The following ZNF716 variants were observed in gnomAD, a reference collection of about 807,000 sequenced individuals.
The protein encoded by ZNF716 is zinc finger protein 716.
A neutral mutation model predicts 13.4 loss-of-function variants in ZNF716; 9 were observed. The observed-to-expected ratio is 0.67, with a 90% confidence interval of 0.41 to 1.18. ZNF716 has a LOEUF of 1.18. ZNF716 is among the 50% of genes most tolerant of loss of function. ZNF716 has a pLI of 0.01. For missense variants in ZNF716, 581 were observed against 576.6 expected (o/e 1.01, Z -0.08); for synonymous variants, 186 against 195.2 (o/e 0.95, Z 0.39).
At position 57,469,176 on chromosome 7, in the gene ZNF716, A is replaced by G; in HGVS notation, c.715A>G (p.Lys239Glu). ...ACATAAAAGAATTCATACTGGAGAG[A>G]AACCCTACAGATGTGAGGAATGTGG... ...TRHKRIHTGE[K>E]PYRCEECGKA... is the part of the protein sequence containing the mutation. The change falls in exon 4 of 4, where the codon AAA (lysine) becomes GAA (glutamate). Residue 239 changes from lysine to glutamate, a missense_variant. Physicochemically the swap from Lys to Glu is moderately conservative, Grantham distance 56. Transcript: ENST00000420713. 5 of 1,612,698 alleles carry G rather than the reference A, an allele frequency of 3.1e-6. No individual in the cohort carries two copies. The highest frequency in any genetic ancestry group is 1.7e-5 in the Admixed American group (1 of 59,742).
chr7:57,462,976 A>G, intron 2 of ZNF716, 97 bp from the exon 3 acceptor site: 1 of 1,476,528 alleles, frequency 6.8e-7, no homozygotes, highest in African/African-American at 1.4e-5. Flanking sequence ...AATTTTCTAG[A>G]ATTTTCTATC....
rs1789918220 is a variant in ZNF716, at chr7:57,470,860, A to T, written c.*911A>T. 1 of 152,172 alleles carries T rather than the reference A, an allele frequency of 6.6e-6. No homozygotes were observed. The highest frequency in any genetic ancestry group is 6.5e-5 in the Admixed American group (1 of 15,270). The allele number at this position is 152,172 out of a possible 1,614,324, so 9.4% of individuals were successfully genotyped here. A position where few individuals can be genotyped will look rare whatever the true frequency, so the allele number is the denominator to read the frequency against. The stretch of plus-strand genomic sequence containing the variant: ...CCTGACATTTTTCTAAAATAGAGAA[A>T]TCATACTGGTGAAAAACTCTAGAAA... On this transcript the variant is annotated 3_prime_UTR_variant, in exon 4 of 4. Transcript: ENST00000420713.
chr7:57,467,156 C>T (rs1403514158), intron 3 of ZNF716, among the ~76,000 whole-genome samples: 2 of 151,894 alleles, frequency 1.3e-5, no homozygotes, highest in Admixed American at 1.3e-4. Flanking sequence ...AAAATTTATT[C>T]TCATTATATC....
intron 3 of ZNF716, 103 bp downstream of exon 3, chr7:57,463,271 A>G: frequency 6.8e-7 from 1 of 1,472,796 alleles, no homozygotes; most frequent in Non-Finnish European, 9.2e-7. Context: ...CTTCGATGGA[A>G]GAGTTTCTGA....
In ZNF716 at chr7:57,462,481, A is replaced by T. The variant is rs782046776; in HGVS notation, c.61A>T (p.Ile21Leu). The change falls in exon 2 of 4, where the codon ATA (isoleucine) becomes TTA (leucine). Residue 21 changes from isoleucine to leucine, a missense_variant. Coordinates refer to ENST00000420713, the MANE Select transcript of ZNF716 (RefSeq NM_001159279.1). ...TTAGGGACTGTTGACATTCAGAGAC[A>T]TAGCTATAGAATTTTCTCTGGCGGA... ...REMGLLTFRD[I>L]AIEFSLAEWQ... is the part of the protein sequence containing the mutation. 4 of 1,613,910 alleles carry T rather than the reference A, an allele frequency of 2.5e-6. No individual in the cohort carries two copies. The highest frequency in any genetic ancestry group is 3.4e-6 in the Non-Finnish European group (4 of 1,179,954).
At position 57,469,961 on chromosome 7, in the gene ZNF716, C is replaced by G; in HGVS notation, c.*12C>G. On this transcript the variant is annotated 3_prime_UTR_variant, in exon 4 of 4. Coordinates refer to ENST00000420713, the MANE Select transcript of ZNF716 (RefSeq NM_001159279.1). ...ACAAATATGAATAATGTGGTAAAGT[C>G]CAGCCCTCAGGCCTTATAATACATA... The G allele has an allele frequency of 1.3e-6, 2 of 1,532,218 alleles. No homozygotes were observed. The highest frequency in any genetic ancestry group is 1.8e-6 in the Non-Finnish European group (2 of 1,140,330). 94.9% of individuals were successfully genotyped at this position (1,532,218 alleles called of 1,614,324 possible). A position where few individuals can be genotyped will look rare whatever the true frequency, so the allele number is the denominator to read the frequency against.
Position 57,450,177 on chromosome 7 carries a change from C to G in ZNF716, c.-112C>G, listed in dbSNP as rs574417698. 2 of 1,514,144 alleles carry G rather than the reference C, an allele frequency of 1.3e-6. No individual in the cohort carries two copies. The highest frequency in any genetic ancestry group is 1.8e-6 in the Non-Finnish European group (2 of 1,106,882). 93.8% of individuals were successfully genotyped at this position (1,514,144 alleles called of 1,614,324 possible). On this transcript the variant is annotated 5_prime_UTR_variant, in exon 1 of 4. Transcript: ENST00000420713. Reference sequence around the variant, plus strand: ...GGACGCTTCCGTAAGGTTACGGGTTCTTTTTGCTTCTCTGCGCCCAGAGCT... The same window carrying G: ...GGACGCTTCCGTAAGGTTACGGGTTGTTTTTGCTTCTCTGCGCCCAGAGCT...
At chr7:57,461,883 G>A (rs1201477247) in intron 1 of ZNF716, among the ~76,000 whole-genome samples, 1 of 152,104 alleles carries the variant, frequency 6.6e-6, no homozygotes, top group African/African-American at 2.4e-5. Flanking sequence ...TGTCCGACTG[G>A]GTGCAGTGGC....
At chr7:57,452,770 A>G (rs540370611) in intron 1 of ZNF716, among the ~76,000 whole-genome samples, 8 of 152,180 alleles carry the variant, frequency 5.3e-5, no homozygotes, top group Non-Finnish European at 1.0e-4. Flanking sequence ...GGGAAACCCT[A>G]CAGGGTAATG....
intron 3 of ZNF716, 117 bp downstream of exon 3, chr7:57,463,285 G>T: frequency 4.3e-6 from 6 of 1,401,888 alleles, no homozygotes; most frequent in Non-Finnish European, 5.8e-6. Flanking sequence ...TTTCTGAGAA[G>T]CCAGAGTCAT....
In ZNF716 at chr7:57,472,203, T is replaced by C. The variant is rs1789955122; in HGVS notation, c.*2254T>C. On this transcript the variant is annotated 3_prime_UTR_variant, in exon 4 of 4. Transcript: ENST00000420713. ...TTGACTTATAACATTGTTTTAGTGA[T>C]GTATAAGGCGAGCGTTCAGAGTAAT... 1 of 152,200 alleles carries C rather than the reference T, an allele frequency of 6.6e-6. No individual in the cohort carries two copies. The highest frequency in any genetic ancestry group is 2.1e-4 in the South Asian group (1 of 4,836). The allele number at this position is 152,200 out of a possible 1,614,324, so 9.4% of individuals were successfully genotyped here.
chr7:57,451,102 A>G (rs1439905009), intron 1 of ZNF716, among the ~76,000 whole-genome samples: 3 of 151,432 alleles, frequency 2.0e-5, no homozygotes, highest in African/African-American at 7.3e-5. Flanking sequence ...GCTCAATGCA[A>G]CCGCCCTCCC....
chr7:57,452,816 G>T (rs1789521301), intron 1 of ZNF716, among the ~76,000 whole-genome samples: 1 of 152,238 alleles, frequency 6.6e-6, no homozygotes. Flanking sequence ...TCCTGGTTCT[G>T]GGTCTTAGTA....
chr7:57,453,016 T>C (rs1332678975), intron 1 of ZNF716, among the ~76,000 whole-genome samples: 2 of 152,120 alleles, frequency 1.3e-5, no homozygotes, highest in Non-Finnish European at 2.9e-5. Flanking sequence ...TGCTAATCCC[T>C]TGGGACACTA....
chr7:57,470,111 A>G lies in ZNF716; in HGVS notation c.*162A>G, dbSNP rs1789901900. On this transcript the variant is annotated 3_prime_UTR_variant, in exon 4 of 4. Transcript: ENST00000420713. ...GACAAAAGTCTTATAAATGTAAAAA[A>G]AAAAGTAACAGCCTTTAACCACCCC... The G allele has an allele frequency of 1.4e-6, 1 of 740,206 alleles. No homozygotes were observed. The allele number at this position is 740,206 out of a possible 1,614,324, so 45.9% of individuals were successfully genotyped here.
intron 1 of ZNF716, 83 bp from the exon 2 acceptor site, chr7:57,462,377 A>G: frequency 6.7e-7 from 1 of 1,501,390 alleles, no homozygotes; most frequent in Non-Finnish European, 9.1e-7. Context: ...CATGAGTCAA[A>G]TAAAAATCTC....
At chr7:57,462,735 C>T in intron 2 of ZNF716, 149 bp downstream of exon 2, 1 of 1,034,680 alleles carries the variant, frequency 9.7e-7, no homozygotes, top group Non-Finnish European at 1.4e-6. Flanking sequence ...GCAAATTCTT[C>T]AAGATGTTTT....
In ZNF716 at chr7:57,471,863, T is replaced by C. The variant is rs2116430759; in HGVS notation, c.*1914T>C. 6.6e-6 allele frequency: 1 copy of C among 152,254 alleles called. No homozygotes were observed. Among genetic ancestry groups the C allele is most frequent in the African/African-American group, 2.4e-5 (1 of 41,562 alleles). 9.4% of individuals were successfully genotyped at this position (152,254 alleles called of 1,614,324 possible). ...CAGAGTGTTGAGTGTAAAAAAGATA[T>C]AAATCTAACAATATAAATTTAAAGA... On this transcript the variant is annotated 3_prime_UTR_variant, in exon 4 of 4. Coordinates refer to ENST00000420713, the MANE Select transcript of ZNF716 (RefSeq NM_001159279.1).
At position 57,468,853 on chromosome 7, in the gene ZNF716, G is replaced by A. The variant is rs781942375; in HGVS notation, c.392G>A (p.Ser131Asn). ...EDLQVKKCCK[S>N]VGECEVHKGG... ...TTACAAGTAAAAAAATGCTGTAAAA[G>A]TGTAGGTGAGTGTGAGGTGCACAAA... Residue 131 changes from serine (S) to asparagine (N), a missense_variant, in exon 4 of 4, where the codon AGT becomes AAT. Coordinates refer to ENST00000420713, the MANE Select transcript of ZNF716 (RefSeq NM_001159279.1). 24 of 1,613,574 alleles carry A rather than the reference G, an allele frequency of 1.5e-5. No homozygotes were observed. Among genetic ancestry groups the A allele is most frequent in the Non-Finnish European group, 2.0e-5 (24 of 1,179,868 alleles).
Sources: allele counts gnomAD v4.1 joint callset (sites outside exome capture counted in the v4.1 genomes callset), GRCh38; gene constraint gnomAD v4.1.1; transcripts MANE v1.5; gene names NCBI Gene and HGNC (gene_info 2026-07-23, HGNC 2026-07-21).